Variants in JAZF1 observed in about 807,000 individuals in gnomAD.
The protein encoded by JAZF1 is JAZF zinc finger 1.
JAZF1 carries 8 observed loss-of-function variants against 26.4 expected under a neutral mutation model. The observed-to-expected ratio is 0.30, with a 90% CI of 0.18 to 0.55. The LOEUF is 0.55. Ranked by LOEUF, JAZF1 falls within the 20% of genes least tolerant of loss-of-function variation. The pLI, the probability that JAZF1 is intolerant of heterozygous loss-of-function variation, is 0.94. For missense variants in JAZF1, 199 were observed against 322.0 expected, an observed-to-expected ratio of 0.62 and a Z score of 2.92; for synonymous variants, 126 against 122.3, an observed-to-expected ratio of 1.03 and a Z score of -0.20.
At chr7:28,028,994 A>T (rs1027272491) in intron 1 of JAZF1, among the ~76,000 whole-genome samples, 2 of 151,936 alleles carry the variant, frequency 1.3e-5, no homozygotes, top group Non-Finnish European at 2.9e-5. Flanking sequence ...CTAGGAGAAA[A>T]AATTATTTTG....
At chr7:27,938,156 C>T (rs1784786030) in intron 2 of JAZF1, among the ~76,000 whole-genome samples, 1 of 152,200 alleles carries the variant, frequency 6.6e-6, no homozygotes, top group Admixed American at 6.5e-5. Flanking sequence ...CTGACCCAAT[C>T]TCTATGTTTG....
At chr7:28,078,768 G>C (rs756234403) in intron 1 of JAZF1, among the ~76,000 whole-genome samples, 4 of 152,184 alleles carry the variant, frequency 2.6e-5, no homozygotes, top group Admixed American at 2.6e-4. Flanking sequence ...AGAAGCAGCA[G>C]ATCAGTTGAG....
intron 4 of JAZF1, among the ~76,000 whole-genome samples, chr7:27,839,800 G>A (rs1357669651): frequency 6.6e-6 from 1 of 152,134 alleles, no homozygotes; most frequent in Admixed American, 6.5e-5. Context: ...TATTTAAGAA[G>A]GGGCAATATA....
intron 3 of JAZF1, among the ~76,000 whole-genome samples, chr7:27,873,802 C>A (rs1164608610): frequency 2.0e-5 from 3 of 152,202 alleles, no homozygotes; most frequent in Non-Finnish European, 4.4e-5. Flanking sequence ...CGAGGAACAG[C>A]CATTAGAGCC....
intron 1 of JAZF1, among the ~76,000 whole-genome samples, chr7:28,173,723 T>C (rs1783507756): frequency 1.3e-5 from 2 of 151,840 alleles, no homozygotes; most frequent in Non-Finnish European, 2.9e-5. Context: ...ACAATGGCCG[T>C]CAGGGGACTA....
At chr7:28,158,167 A>AC (rs200643564) in intron 1 of JAZF1, among the ~76,000 whole-genome samples, 16 of 103,894 alleles carry the variant, frequency 1.5e-4, no homozygotes, top group East Asian at 6.8e-4. Context: ...ACACACACAC[A>AC]AACACACACA....
chr7:27,849,211 G>A (rs544637427), intron 3 of JAZF1, among the ~76,000 whole-genome samples: 3 of 152,302 alleles, frequency 2.0e-5, no homozygotes, highest in South Asian at 2.1e-4. Flanking sequence ...CGAACACAAC[G>A]CATGGAGTCG....
intron 1 of JAZF1, among the ~76,000 whole-genome samples, chr7:27,995,183 C>T (rs907567788): frequency 6.6e-6 from 1 of 152,148 alleles, no homozygotes; most frequent in Non-Finnish European, 1.5e-5. Flanking sequence ...ATGAGATGGC[C>T]ATGGCACACA....
At chr7:28,121,154 C>T (rs993189318) in intron 1 of JAZF1, among the ~76,000 whole-genome samples, 20 of 149,540 alleles carry the variant, frequency 1.3e-4, no homozygotes, top group African/African-American at 3.2e-4. Context: ...GAGCCGAGAT[C>T]GCACTACCGC....
intron 1 of JAZF1, among the ~76,000 whole-genome samples, chr7:28,023,381 G>A (rs75150419): frequency 0.011 from 1,666 of 152,322 alleles, 28 homozygotes; most frequent in African/African-American, 0.038. Context: ...AAATGAGGAT[G>A]TAAGTAATTC....
At chr7:28,123,235 C>G (rs1782633580) in intron 1 of JAZF1, among the ~76,000 whole-genome samples, 1 of 152,162 alleles carries the variant, frequency 6.6e-6, no homozygotes, top group Non-Finnish European at 1.5e-5. Flanking sequence ...ATCATGACCA[C>G]CCCCAGCACC....
At chr7:27,878,528 A>G (rs1783719159) in intron 3 of JAZF1, among the ~76,000 whole-genome samples, 1 of 152,228 alleles carries the variant, frequency 6.6e-6, no homozygotes, top group Non-Finnish European at 1.5e-5. Flanking sequence ...TTCAGTTTGA[A>G]AAAAGTATCC....
At chr7:28,076,118 C>T (rs1389907023) in intron 1 of JAZF1, among the ~76,000 whole-genome samples, 1 of 152,202 alleles carries the variant, frequency 6.6e-6, no homozygotes, top group Non-Finnish European at 1.5e-5. Flanking sequence ...TAAAACTGCT[C>T]TAATTGCATT....
intron 3 of JAZF1, among the ~76,000 whole-genome samples, chr7:27,854,421 C>T (rs1372758922): frequency 6.6e-6 from 1 of 152,134 alleles, no homozygotes; most frequent in Non-Finnish European, 1.5e-5. Flanking sequence ...ATGATGATAG[C>T]TGGTTATTTT....
chr7:27,946,996 A>T (rs777094652), intron 2 of JAZF1, among the ~76,000 whole-genome samples: 38 of 152,256 alleles, frequency 2.5e-4, no homozygotes, highest in Non-Finnish European at 4.8e-4. Flanking sequence ...TGCCCACTGC[A>T]TTCAATCAGA....
At chr7:28,084,040 A>G (rs899549434) in intron 1 of JAZF1, among the ~76,000 whole-genome samples, 13 of 152,096 alleles carry the variant, frequency 8.5e-5, no homozygotes, top group Non-Finnish European at 1.6e-4. Context: ...TCATGGGTAT[A>G]TTTTGATAAA....
chr7:27,994,984 T>G (rs959302512), intron 1 of JAZF1, among the ~76,000 whole-genome samples: 1 of 152,160 alleles, frequency 6.6e-6, no homozygotes, highest in Non-Finnish European at 1.5e-5. Flanking sequence ...CCCCACATCC[T>G]GCACAATGAC....
intron 2 of JAZF1, among the ~76,000 whole-genome samples, chr7:27,905,793 T>C (rs2128343994): frequency 6.6e-6 from 1 of 152,224 alleles, no homozygotes; most frequent in South Asian, 2.1e-4. Flanking sequence ...AGCATAATCT[T>C]GGAATAAATC....
intron 1 of JAZF1, among the ~76,000 whole-genome samples, chr7:28,077,663 C>T (rs1784073239): frequency 6.6e-6 from 1 of 152,172 alleles, no homozygotes; most frequent in Non-Finnish European, 1.5e-5. Flanking sequence ...TGCTTGCAGG[C>T]CACCCAGTGT....
Sources: gnomAD v4.1 joint callset for allele counts (sites outside exome capture counted in the v4.1 genomes callset) on GRCh38, gnomAD v4.1.1 for gene constraint, MANE v1.5 for transcripts, NCBI Gene and HGNC (gene_info 2026-07-23, HGNC 2026-07-21) for gene names.